The following PTPRT variants were observed in gnomAD, a reference collection of about 807,000 sequenced individuals.
The protein encoded by PTPRT is protein tyrosine phosphatase receptor type T.
PTPRT carries 56 observed loss-of-function variants against 176.8 expected under a neutral mutation model. The observed-to-expected ratio is 0.32, with a 90% CI of 0.26 to 0.40. The LOEUF is 0.40. PTPRT is among the 10% of genes least tolerant of loss of function. The probability of loss-of-function intolerance (pLI) is 1.00; values close to 1 mark genes in which losing one functional copy is unlikely to be tolerated. For missense variants in PTPRT, 1,540 were observed against 1,908.2 expected, an observed-to-expected ratio of 0.81 and a Z score of 3.60; for synonymous variants, 783 against 739.0, an observed-to-expected ratio of 1.06 and a Z score of -0.96.
chr20:42,148,248 T>C (rs1988961048), intron 17 of PTPRT, among the ~76,000 whole-genome samples: 1 of 149,850 alleles, frequency 6.7e-6, no homozygotes, highest in African/African-American at 2.5e-5. Context: ...GTGTTGTTTT[T>C]CCAAGGCAGT....
chr20:42,512,686 G>C (rs1235365822), intron 7 of PTPRT, among the ~76,000 whole-genome samples: 1 of 152,068 alleles, frequency 6.6e-6, no homozygotes, highest in Non-Finnish European at 1.5e-5. Context: ...AATTTATTAA[G>C]AAATTAACTA....
intron 7 of PTPRT, among the ~76,000 whole-genome samples, chr20:42,646,137 C>T (rs1355749882): frequency 6.6e-6 from 1 of 151,854 alleles, no homozygotes. Flanking sequence ...TCCCACCCAC[C>T]CTTCCCTTGC....
chr20:42,648,823 T>TTTTTTTTTGTTTTTTG (rs1569054275), intron 7 of PTPRT, among the ~76,000 whole-genome samples: 1 of 26,100 alleles, frequency 3.8e-5, no homozygotes, highest in African/African-American at 1.1e-4. Context: ...TGTCGTTGTT[T>TTTTTTTTTGTTTTTTG]TTTTTTTTTT....
At chr20:42,342,703 T>A (rs979569753) in intron 11 of PTPRT, among the ~76,000 whole-genome samples, 4 of 152,214 alleles carry the variant, frequency 2.6e-5, no homozygotes, top group Non-Finnish European at 5.9e-5. Context: ...ATGATTCCAA[T>A]TTTGCTCACT....
rs141021933 is a variant in PTPRT, at chr20:43,061,015, G to C, written c.88+128631C>G. ...ATAAAAAATTTAAAATAGATAGCTA[G>C]ATATCTAGATAGCCAGATCTGTAGG... On this transcript the variant is annotated intron_variant, in intron 1 of 30. Coordinates refer to ENST00000373187, the MANE Select transcript of PTPRT (RefSeq NM_007050.6). Among the ~76,000 whole-genome samples the C allele has an allele frequency of 4.7e-4, 72 of 152,220 alleles. 1 individual carries two copies. The highest frequency in any genetic ancestry group is 3.4e-3 in the Middle Eastern group (1 of 294).
intron 18 of PTPRT, among the ~76,000 whole-genome samples, chr20:42,137,956 G>A (rs959600970): frequency 4.6e-5 from 7 of 152,306 alleles, no homozygotes; most frequent in Non-Finnish European, 1.0e-4. Flanking sequence ...CTGTGTGCCC[G>A]CAGACCCCCT....
chr20:42,469,544 G>C (rs2071157955), intron 8 of PTPRT, among the ~76,000 whole-genome samples: 1 of 152,166 alleles, frequency 6.6e-6, no homozygotes, highest in African/African-American at 2.4e-5. Context: ...GGCACTAAGA[G>C]GTTAAACAAC....
At chr20:42,192,444 C>G (rs1461763657) in intron 16 of PTPRT, among the ~76,000 whole-genome samples, 1 of 152,212 alleles carries the variant, frequency 6.6e-6, no homozygotes, top group African/African-American at 2.4e-5. Context: ...CTCTACTGAA[C>G]CATCCCAAGG....
intron 12 of PTPRT, among the ~76,000 whole-genome samples, chr20:42,312,125 T>C (rs2057642743): frequency 6.6e-6 from 1 of 152,254 alleles, no homozygotes; most frequent in Non-Finnish European, 1.5e-5. Context: ...ATTAATGCTA[T>C]GTTTAATTAG....
intron 1 of PTPRT, among the ~76,000 whole-genome samples, chr20:43,109,893 A>G (rs909183190): frequency 2.0e-5 from 3 of 152,158 alleles, no homozygotes; most frequent in Admixed American, 6.5e-5. Context: ...GACCAGTGTA[A>G]TAGAGTGGGG....
chr20:42,258,835 G>A (rs889617937), intron 13 of PTPRT, among the ~76,000 whole-genome samples: 1 of 152,176 alleles, frequency 6.6e-6, no homozygotes, highest in Non-Finnish European at 1.5e-5. Context: ...AAATACCACA[G>A]AGATGCAGGG....
At chr20:42,879,167 C>T (rs980772201) in intron 2 of PTPRT, among the ~76,000 whole-genome samples, 6 of 152,276 alleles carry the variant, frequency 3.9e-5, no homozygotes, top group Admixed American at 3.9e-4. Flanking sequence ...TTTCCTAGAA[C>T]TGCTATTAAA....
At chr20:42,665,051 T>A (rs537966523) in intron 7 of PTPRT, among the ~76,000 whole-genome samples, 1 of 152,112 alleles carries the variant, frequency 6.6e-6, no homozygotes, top group Non-Finnish European at 1.5e-5. Context: ...AAGGACTTCA[T>A]GTCTAAAACA....
At chr20:42,505,435 G>A (rs556403692) in intron 7 of PTPRT, among the ~76,000 whole-genome samples, 7 of 152,082 alleles carry the variant, frequency 4.6e-5, no homozygotes, top group Admixed American at 2.6e-4. Context: ...CTGAGTAGCT[G>A]GGATTACAGG....
At chr20:42,515,294 C>A (rs568260059) in intron 7 of PTPRT, among the ~76,000 whole-genome samples, 1 of 152,092 alleles carries the variant, frequency 6.6e-6, no homozygotes, top group Non-Finnish European at 1.5e-5. Context: ...ACCAGCCTGG[C>A]CAACATGGTG....
At chr20:42,732,174 A>G (rs2076471757) in intron 6 of PTPRT, among the ~76,000 whole-genome samples, 2 of 152,232 alleles carry the variant, frequency 1.3e-5, no homozygotes, top group Non-Finnish European at 2.9e-5. Context: ...AATAAATAAA[A>G]TTTAAAATTC....
chr20:42,235,344 C>G (rs993444005), intron 15 of PTPRT, among the ~76,000 whole-genome samples: 3 of 151,954 alleles, frequency 2.0e-5, no homozygotes, highest in African/African-American at 7.3e-5. Flanking sequence ...CTCACTACAA[C>G]CTCCGCCCTG....
intron 7 of PTPRT, among the ~76,000 whole-genome samples, chr20:42,664,851 A>T (rs1208593141): frequency 6.6e-6 from 1 of 152,052 alleles, no homozygotes; most frequent in East Asian, 1.9e-4. Flanking sequence ...TGGGGAAATG[A>T]CTCCCTATTT....
At chr20:42,539,846 C>A (rs1000230809) in intron 7 of PTPRT, among the ~76,000 whole-genome samples, 9 of 151,836 alleles carry the variant, frequency 5.9e-5, no homozygotes, top group Non-Finnish European at 1.0e-4. Context: ...GAGGAAATCT[C>A]TTGAAAGGCA....
Sources: gnomAD v4.1 joint callset for allele counts (sites outside exome capture counted in the v4.1 genomes callset) on GRCh38, gnomAD v4.1.1 for gene constraint, MANE v1.5 for transcripts, NCBI Gene and HGNC (gene_info 2026-07-23, HGNC 2026-07-21) for gene names.